Variants in TTC12 observed in about 807,000 individuals in gnomAD.
TTC12 encodes tetratricopeptide repeat protein 12.
TTC12 carries 70 observed loss-of-function variants against 90.1 expected under a neutral mutation model. That is an observed-to-expected ratio of 0.78 (90% CI 0.64 to 0.95). The LOEUF (loss-of-function observed/expected upper bound fraction) is 0.95, where lower values mean the gene tolerates loss of function less well. Ranked by LOEUF, TTC12 falls within the 40% of genes least tolerant of loss-of-function variation. The pLI, the probability that TTC12 is intolerant of heterozygous loss-of-function variation, is 0.00. For missense variants in TTC12, 819 were observed against 846.1 expected, an observed-to-expected ratio of 0.97 and a Z score of 0.40; for synonymous variants, 296 against 311.5, an observed-to-expected ratio of 0.95 and a Z score of 0.53.
chr11:113,325,584 G>A lies in TTC12; in HGVS notation c.383G>A (p.Arg128His), dbSNP rs200721861. The change falls in exon 6 of 22, where the codon CGC (arginine) becomes CAC (histidine). Residue 128 changes from arginine to histidine, a missense_variant. Coordinates refer to ENST00000529221, the MANE Select transcript of TTC12 (RefSeq NM_017868.4). ...AEGNYETAILRYSEGLEKLKD... is the reference protein window; with the variant it reads ...AEGNYETAILHYSEGLEKLKD... Reference sequence around the variant, plus strand: ...GGCAATTATGAAACAGCTATCCTGCGCTACAGTGAGGGTTTGGAGAAGCTG... The same window carrying A: ...GGCAATTATGAAACAGCTATCCTGCACTACAGTGAGGGTTTGGAGAAGCTG... The A allele has an allele frequency of 2.5e-5, 41 of 1,613,974 alleles. No homozygotes were observed. In the East Asian group the frequency reaches 6.0e-4, roughly 24 times the overall value.
chr11:113,347,641 C>T (rs1249184372), intron 13 of TTC12, among the ~76,000 whole-genome samples: 1 of 152,200 alleles, frequency 6.6e-6, no homozygotes, highest in Non-Finnish European at 1.5e-5. Flanking sequence ...CCAGACTCCT[C>T]CCAGCTTTCC....
At chr11:113,371,374 T>C (rs978539808), downstream of TTC12, 1 of 152,256 alleles carries the variant, frequency 6.6e-6, no homozygotes, top group African/African-American at 2.4e-5. Flanking sequence ...AAATTTGTAT[T>C]ATTTTTTATT....
At chr11:113,355,074 A>G (rs1385849189) in intron 16 of TTC12, among the ~76,000 whole-genome samples, 1 of 152,190 alleles carries the variant, frequency 6.6e-6, no homozygotes. Flanking sequence ...TCAGCTGTGA[A>G]TCTAGCTGGT....
chr11:113,329,676 C>T (rs377012786), intron 6 of TTC12: 39 of 583,310 alleles, frequency 6.7e-5, no homozygotes, highest in East Asian at 3.4e-4. Flanking sequence ...GCTAGCCCTG[C>T]GATTCTGTAG....
intron 18 of TTC12, among the ~76,000 whole-genome samples, chr11:113,362,156 G>T (rs1949972087): frequency 6.6e-6 from 1 of 152,166 alleles, no homozygotes; most frequent in Admixed American, 6.5e-5. Flanking sequence ...TTCTCAGAGT[G>T]GAACTGGTTG....
At chr11:113,332,804 A>G (rs1466563528) in intron 7 of TTC12, among the ~76,000 whole-genome samples, 1 of 151,938 alleles carries the variant, frequency 6.6e-6, no homozygotes, top group African/African-American at 2.4e-5. Context: ...TCATCTTCTC[A>G]CTCAGACTTT....
In TTC12 at chr11:113,333,649, G is replaced by C. The variant is rs183581455; in HGVS notation, c.505-1317G>C. On this transcript the variant is annotated intron_variant, in intron 7 of 21. Transcript: ENST00000529221. ...TTCATAGAGTTGTTATAAAGCTTCT[G>C]TGAGATCATCCATATGAACCATAAA... is the stretch of plus-strand genomic sequence containing the variant. 5.9e-3 allele frequency among the ~76,000 whole-genome samples: 891 copies of C among 152,226 alleles called. 4 individuals are homozygous for C. Among genetic ancestry groups the C allele is most frequent in the Non-Finnish European group, 9.7e-3 (662 of 68,020 alleles).
Position 113,350,131 on chromosome 11 carries a change from A to C in TTC12, c.1213A>C (p.Met405Leu), listed in dbSNP as rs1261345610. ...DFSDKEANTA[M>L]GLFTDLALEE... ...CTCGGATAAGGAGGCCAACACTGCT[A>C]TGGGACTGTTCACAGACTTGGCTCT... The change falls in exon 14 of 22, where the codon ATG (methionine) becomes CTG (leucine). Residue 405 changes from methionine (M) to leucine (L), a missense_variant. Met to Leu is a conservative substitution (Grantham distance 15). Transcript: ENST00000529221. 5.6e-6 allele frequency: 9 copies of C among 1,613,810 alleles called. No individual in the cohort carries two copies. Among genetic ancestry groups the C allele is most frequent in the Non-Finnish European group, 7.6e-6 (9 of 1,179,814 alleles).
chr11:113,366,940 T>TC (rs1950239057), downstream of TTC12, among the ~76,000 whole-genome samples: 1 of 152,208 alleles, frequency 6.6e-6, no homozygotes, highest in Non-Finnish European at 1.5e-5. Context: ...GGCACCCTGT[T>TC]CCATGGGTTA....
At chr11:113,324,056 T>C in intron 4 of TTC12, 41 bp downstream of exon 4, 1 of 1,552,046 alleles carries the variant, frequency 6.4e-7, no homozygotes, top group East Asian at 2.2e-5. Flanking sequence ...ATTCTTTATA[T>C]AGGACCAGTT....
chr11:113,339,969 C>T (rs1208595315), intron 10 of TTC12, among the ~76,000 whole-genome samples: 4 of 152,162 alleles, frequency 2.6e-5, no homozygotes, highest in Non-Finnish European at 1.5e-5. Context: ...ACCTCGTACA[C>T]CTTCCCTCCA....
At chr11:113,320,665 GTGAAAAGGCAGA>G (rs1947255936) in intron 2 of TTC12, among the ~76,000 whole-genome samples, 1 of 152,230 alleles carries the variant, frequency 6.6e-6, no homozygotes, top group Admixed American at 6.5e-5. Context: ...CTCTGCCCTT[GTGAAAAGGCAGA>G]TGTCCGTCAA....
intron 2 of TTC12, among the ~76,000 whole-genome samples, chr11:113,321,020 A>G (rs1565569255): frequency 1.3e-5 from 2 of 152,220 alleles, no homozygotes; most frequent in African/African-American, 4.8e-5. Flanking sequence ...TTAAAAAAAA[A>G]AGAATTTTTT....
At chr11:113,368,467 A>G, downstream of TTC12, 1 of 1,550,522 alleles carries the variant, frequency 6.4e-7, no homozygotes. Flanking sequence ...GTTCCAGGTA[A>G]TCAGAGTCTT....
At chr11:113,331,771 C>T (rs1555142616) in intron 7 of TTC12, among the ~76,000 whole-genome samples, 7 of 152,198 alleles carry the variant, frequency 4.6e-5, no homozygotes, top group Admixed American at 3.3e-4. Context: ...CGAGGCCAAG[C>T]AGGCCCAATG....
chr11:113,332,501 T>A (rs1315905301), intron 7 of TTC12, among the ~76,000 whole-genome samples: 10 of 152,246 alleles, frequency 6.6e-5, no homozygotes, highest in Non-Finnish European at 1.2e-4. Flanking sequence ...GCTGAAGTGC[T>A]AGAGTTTCCT....
chr11:113,364,775 T>C, intron 20 of TTC12, 60 bp from the exon 21 acceptor site: 5 of 1,445,594 alleles, frequency 3.5e-6, no homozygotes, highest in South Asian at 2.3e-5. Flanking sequence ...CATGTCCTGT[T>C]GCCAGCCTCC....
At chr11:113,357,814 A>G (rs1467606189) in intron 16 of TTC12, among the ~76,000 whole-genome samples, 1 of 152,206 alleles carries the variant, frequency 6.6e-6, no homozygotes, top group Non-Finnish European at 1.5e-5. Flanking sequence ...TGGGGGAGCC[A>G]AGGTGATCCC....
At chr11:113,366,479 G>A, downstream of TTC12, 1 of 1,123,542 alleles carries the variant, frequency 8.9e-7, no homozygotes, top group Non-Finnish European at 1.2e-6. Flanking sequence ...GCTGTGGTGG[G>A]CTCTGTGCAC....
Sources: allele counts gnomAD v4.1 joint callset (sites outside exome capture counted in the v4.1 genomes callset), GRCh38; gene constraint gnomAD v4.1.1; transcripts MANE v1.5; gene names NCBI Gene and HGNC (gene_info 2026-07-23, HGNC 2026-07-21).